Variants in PPP2R5E observed in about 807,000 individuals in gnomAD.
The protein encoded by PPP2R5E is serine/threonine-protein phosphatase 2A 56 kDa regulatory subunit epsilon isoform.
In PPP2R5E, 4 loss-of-function variants were observed where a neutral mutation model predicts 65.3. That is an observed-to-expected ratio of 0.06 (90% CI 0.03 to 0.14). PPP2R5E has a LOEUF of 0.14. Among genes scored for constraint, PPP2R5E ranks in the 10% least tolerant of loss-of-function variants. The pLI, the probability that PPP2R5E is intolerant of heterozygous loss-of-function variation, is 1.00. For synonymous variants in PPP2R5E, 183 were observed against 187.4 expected (o/e 0.98, Z 0.19); for missense variants, 274 against 556.1 (o/e 0.49, Z 5.10).
At chr14:63,431,783 AT>A (rs1486858721) in intron 3 of PPP2R5E, among the ~76,000 whole-genome samples, 2 of 152,160 alleles carry the variant, frequency 1.3e-5, no homozygotes, top group African/African-American at 2.4e-5. Context: ...TTAAAAGGAG[AT>A]TTCTAAAGCG....
At chr14:63,411,907 T>C (rs1232254453) in intron 5 of PPP2R5E, among the ~76,000 whole-genome samples, 2 of 152,172 alleles carry the variant, frequency 1.3e-5, no homozygotes, top group Non-Finnish European at 2.9e-5. Flanking sequence ...CAAAATAGAC[T>C]ACTAGAAGCA....
chr14:63,508,102 C>A (rs759927644), intron 2 of PPP2R5E: 1 of 973,588 alleles, frequency 1.0e-6, no homozygotes, highest in Non-Finnish European at 1.2e-6. Context: ...CTCCTTCCCA[C>A]CCCCACACAC....
chr14:63,513,730 C>T (rs1892551104), intron 2 of PPP2R5E, among the ~76,000 whole-genome samples: 1 of 152,106 alleles, frequency 6.6e-6, no homozygotes, highest in Non-Finnish European at 1.5e-5. Context: ...GCCTGGGTGT[C>T]CATCTGAGTG....
chr14:63,532,518 G>T (rs1472504), intron 2 of PPP2R5E, among the ~76,000 whole-genome samples: 3,500 of 152,156 alleles, frequency 0.023, 138 homozygotes, highest in African/African-American at 0.08. Flanking sequence ...ATAATTTTCA[G>T]AGAAATTTCC....
At chr14:63,516,061 G>A (rs1892658676) in intron 2 of PPP2R5E, among the ~76,000 whole-genome samples, 1 of 151,934 alleles carries the variant, frequency 6.6e-6, no homozygotes. Context: ...ATGTTAGCCA[G>A]GATGGTCTCG....
chr14:63,503,332 G>A (rs1016580743), intron 2 of PPP2R5E, among the ~76,000 whole-genome samples: 8 of 152,184 alleles, frequency 5.3e-5, no homozygotes, highest in Admixed American at 1.3e-4. Context: ...ATTGAAGAAC[G>A]TGGGGTGTGG....
intron 5 of PPP2R5E, among the ~76,000 whole-genome samples, chr14:63,398,904 C>T (rs1283615344): frequency 6.6e-6 from 1 of 152,138 alleles, no homozygotes; most frequent in Non-Finnish European, 1.5e-5. Context: ...AACTGGAACC[C>T]TCATACATTG....
chr14:63,446,101 T>G (rs533590787), intron 3 of PPP2R5E, among the ~76,000 whole-genome samples: 42 of 152,242 alleles, frequency 2.8e-4, no homozygotes, highest in Non-Finnish European at 4.6e-4. Flanking sequence ...CCACTTTCTT[T>G]GCTCATCCAT....
At chr14:63,382,266 AC>A (rs1286189498) in intron 12 of PPP2R5E, 109 bp from the exon 13 acceptor site, 2 of 684,246 alleles carry the variant, frequency 2.9e-6, no homozygotes, top group African/African-American at 3.6e-5. Flanking sequence ...CGTACTGCAC[AC>A]TGTCTGTATC....
chr14:63,397,046 C>T (rs757207710), intron 5 of PPP2R5E, among the ~76,000 whole-genome samples: 5 of 152,166 alleles, frequency 3.3e-5, no homozygotes, highest in Non-Finnish European at 7.4e-5. Flanking sequence ...TTTTGTCCCC[C>T]TTTTACAGAA....
At chr14:63,445,239 CA>C (rs1410053913) in intron 3 of PPP2R5E, among the ~76,000 whole-genome samples, 4 of 152,116 alleles carry the variant, frequency 2.6e-5, no homozygotes, top group Non-Finnish European at 5.9e-5. Flanking sequence ...GGATCAGTTC[CA>C]GGCCATCACA....
chr14:63,397,463 T>C lies in PPP2R5E; in HGVS notation c.550-747A>G, dbSNP rs144024438. Among the ~76,000 whole-genome samples the C allele has an allele frequency of 4.4e-3, 590 of 133,604 alleles. 1 individual carries two copies. Among genetic ancestry groups the C allele is most frequent in the Non-Finnish European group, 6.5e-3 (427 of 65,664 alleles). 87.6% of individuals were successfully genotyped at this position (133,604 alleles called of 152,430 possible). On this transcript the variant is annotated intron_variant, in intron 5 of 13. Transcript: ENST00000337537. ...GTTACAGTGAGCTGCGATCGCGCCA[T>C]TGCACTCCAGCCTGGGCCATAGAGC...
At chr14:63,463,508 C>T (rs1259638039) in intron 2 of PPP2R5E, among the ~76,000 whole-genome samples, 1 of 151,978 alleles carries the variant, frequency 6.6e-6, no homozygotes, top group East Asian at 1.9e-4. Flanking sequence ...AAAAAAAATG[C>T]ATTAGTTCCT....
At chr14:63,514,602 A>G (rs866902774) in intron 2 of PPP2R5E, among the ~76,000 whole-genome samples, 3 of 152,210 alleles carry the variant, frequency 2.0e-5, no homozygotes, top group Middle Eastern at 3.2e-3. Flanking sequence ...AAGAATCAGC[A>G]CTGTTTTAAA....
At chr14:63,490,596 A>G (rs1187055941) in intron 2 of PPP2R5E, among the ~76,000 whole-genome samples, 1 of 152,124 alleles carries the variant, frequency 6.6e-6, no homozygotes, top group Non-Finnish European at 1.5e-5. Context: ...ACACTTCTCA[A>G]AAGAGGACAT....
chr14:63,427,410 A>G (rs1201648372), intron 3 of PPP2R5E, among the ~76,000 whole-genome samples: 1 of 152,228 alleles, frequency 6.6e-6, no homozygotes, highest in African/African-American at 2.4e-5. Context: ...AAGTAAAAAA[A>G]AAAAGTTTAA....
At chr14:63,418,563 C>G (rs1886825936) in intron 4 of PPP2R5E, among the ~76,000 whole-genome samples, 2 of 152,202 alleles carry the variant, frequency 1.3e-5, no homozygotes, top group Admixed American at 1.3e-4. Context: ...CTCCAAGGAA[C>G]TTTAGTAAGA....
At chr14:63,532,681 G>A (rs1199554040) in intron 2 of PPP2R5E, among the ~76,000 whole-genome samples, 1 of 152,144 alleles carries the variant, frequency 6.6e-6, no homozygotes, top group Non-Finnish European at 1.5e-5. Flanking sequence ...TCATTTTACA[G>A]ACAAGGAAAA....
chr14:63,484,168 C>T (rs1465310725), intron 2 of PPP2R5E, among the ~76,000 whole-genome samples: 3 of 151,800 alleles, frequency 2.0e-5, no homozygotes, highest in Admixed American at 6.6e-5. Flanking sequence ...GATGATGGGG[C>T]CACTCCCTAA....
Sources: allele counts gnomAD v4.1 joint callset (sites outside exome capture counted in the v4.1 genomes callset), GRCh38; gene constraint gnomAD v4.1.1; transcripts MANE v1.5; gene names NCBI Gene and HGNC (gene_info 2026-07-23, HGNC 2026-07-21).